ERICH1: variants seen among roughly 807,000 people sequenced by gnomAD.
The protein encoded by ERICH1 is glutamate-rich protein 1.
A neutral mutation model predicts 39.6 loss-of-function variants in ERICH1; 56 were observed. The observed-to-expected ratio is 1.41, with a 90% CI of 1.14 to 1.77. ERICH1 has a LOEUF of 1.77. ERICH1 is among the 40% of genes most tolerant of loss of function. ERICH1 has a pLI of 0.00. For missense variants in ERICH1, 826 were observed against 575.4 expected, an observed-to-expected ratio of 1.44 and a Z score of -4.45; for synonymous variants, 313 against 223.6, an observed-to-expected ratio of 1.40 and a Z score of -3.57.
At chr8:705,975 A>G (rs776126357) in intron 2 of ERICH1, among the ~76,000 whole-genome samples, 3 of 152,184 alleles carry the variant, frequency 2.0e-5, no homozygotes, top group Non-Finnish European at 2.9e-5. Context: ...CCTGAAGATG[A>G]TAACGCTGTA....
At chr8:697,235 C>G (rs1377185324) in intron 2 of ERICH1, among the ~76,000 whole-genome samples, 2 of 152,220 alleles carry the variant, frequency 1.3e-5, no homozygotes, top group Non-Finnish European at 2.9e-5. Context: ...TCCATCCTGA[C>G]AGCTGCAAAT....
chr8:727,901 C>G (rs972928669), intron 1 of ERICH1, among the ~76,000 whole-genome samples: 117 of 152,220 alleles, frequency 7.7e-4, no homozygotes, highest in Non-Finnish European at 5.9e-5. Flanking sequence ...GGGGCAGGGA[C>G]TCTGCTTAAA....
intron 1 of ERICH1, among the ~76,000 whole-genome samples, chr8:719,786 T>C (rs955658835): frequency 2.0e-5 from 3 of 152,312 alleles, no homozygotes; most frequent in Admixed American, 6.5e-5. Context: ...CTTTAAGGAC[T>C]CGTAGATGTT....
chr8:643,128 C>A (rs1034364560), intron 3 of ERICH1, among the ~76,000 whole-genome samples: 7 of 152,060 alleles, frequency 4.6e-5, no homozygotes, highest in African/African-American at 1.7e-4. Context: ...CCCTGCCTGG[C>A]GCAGCCTGGA....
intron 2 of ERICH1, among the ~76,000 whole-genome samples, chr8:705,914 C>A (rs7827558): frequency 4.5e-4 from 69 of 152,234 alleles, no homozygotes; most frequent in African/African-American, 1.7e-3. Context: ...TTTCACCGTA[C>A]GTTTTTAATG....
At chr8:668,884 C>G in intron 4 of ERICH1, 92 bp from the exon 5 acceptor site, 1 of 1,141,974 alleles carries the variant, frequency 8.8e-7, no homozygotes, top group Non-Finnish European at 1.2e-6. Context: ...AGGTCTCAAA[C>G]CTACGCTTCC....
Position 673,601 on chromosome 8 carries a change from C to T in ERICH1, c.751G>A (p.Ala251Thr), listed in dbSNP as rs748184998. 3 of 1,550,482 alleles carry T rather than the reference C, an allele frequency of 1.9e-6. No individual in the cohort carries two copies. The Admixed American group carries it at 5.2e-5, about 27-fold the overall frequency. The change falls in exon 4 of 6, where the codon GCG becomes ACG. Residue 251 changes from alanine to threonine, a missense_variant. Ala to Thr is a moderately conservative substitution (Grantham distance 58, BLOSUM62 0). Transcript: ENST00000262109. ...DLTRARQEEG[A>T]DASEEDPTPA... Reference sequence around the variant, plus strand: ...GTCGGATCTTCCTCACTGGCGTCCGCACCCTCTTCCTGCCTGGCCCGTGTC... The same window carrying T: ...GTCGGATCTTCCTCACTGGCGTCCGTACCCTCTTCCTGCCTGGCCCGTGTC...
At chr8:689,687 A>G (rs1585332592) in intron 3 of ERICH1, among the ~76,000 whole-genome samples, 1 of 152,202 alleles carries the variant, frequency 6.6e-6, no homozygotes, top group Admixed American at 6.5e-5. Flanking sequence ...GCACCGTGGC[A>G]TAGGGACACA....
intron 2 of ERICH1, among the ~76,000 whole-genome samples, chr8:708,252 G>C (rs1420524707): frequency 6.6e-6 from 1 of 152,154 alleles, no homozygotes; most frequent in African/African-American, 2.4e-5. Flanking sequence ...GTTAAACATG[G>C]AGTTACCATT....
intron 2 of ERICH1, among the ~76,000 whole-genome samples, chr8:711,601 A>G (rs1181266567): frequency 6.6e-6 from 1 of 151,686 alleles, no homozygotes; most frequent in Non-Finnish European, 1.5e-5. Flanking sequence ...GGGTTCAAGC[A>G]ATTCTTCTGC....
chr8:644,400 A>AGCTAAGAGCGGG (rs1799367164), intron 3 of ERICH1, among the ~76,000 whole-genome samples: 1 of 71,968 alleles, frequency 1.4e-5, no homozygotes, highest in African/African-American at 3.5e-5. Flanking sequence ...AAGTCAAGGA[A>AGCTAAGAGCGGG]GATTCTTTAG....
intron 3 of ERICH1, among the ~76,000 whole-genome samples, chr8:690,084 C>T (rs66701156): frequency 0.045 from 6,855 of 152,302 alleles, 204 homozygotes; most frequent in Middle Eastern, 0.071. Context: ...CGCAACCCCA[C>T]GTCAACAAGA....
chr8:639,036 G>A (rs966824649), intron 3 of ERICH1, among the ~76,000 whole-genome samples: 13 of 152,134 alleles, frequency 8.5e-5, no homozygotes, highest in African/African-American at 2.7e-4. Flanking sequence ...AACGGAAGCC[G>A]TCTCTCAAGC....
intron 1 of ERICH1, among the ~76,000 whole-genome samples, chr8:717,431 G>A (rs1255198168): frequency 1.3e-5 from 2 of 152,206 alleles, no homozygotes; most frequent in Non-Finnish European, 2.9e-5. Flanking sequence ...GGTGGTCTGT[G>A]AAATGCTTTT....
chr8:680,394 C>G (rs1053775588), intron 3 of ERICH1, among the ~76,000 whole-genome samples: 3 of 151,670 alleles, frequency 2.0e-5, no homozygotes, highest in Non-Finnish European at 4.4e-5. Context: ...CCCCTGAAAA[C>G]ACAGAAAGTC....
At chr8:625,553 G>A (rs1025184045) in intron 3 of ERICH1, 2 of 152,246 alleles carry the variant, frequency 1.3e-5, no homozygotes, top group African/African-American at 2.4e-5. Context: ...TCATCGTAGT[G>A]AGGATTGTAC....
chr8:631,296 T>G (rs1798023452), intron 3 of ERICH1, among the ~76,000 whole-genome samples: 1 of 152,046 alleles, frequency 6.6e-6, no homozygotes, highest in African/African-American at 2.4e-5. Flanking sequence ...CCTCTGTGAG[T>G]GTGAAAGTGT....
At chr8:635,765 G>T (rs938976570) in intron 3 of ERICH1, among the ~76,000 whole-genome samples, 5 of 151,874 alleles carry the variant, frequency 3.3e-5, no homozygotes, top group Admixed American at 1.3e-4. Flanking sequence ...CTCCCCCAGC[G>T]TGTGTGTGTG....
At chr8:638,673 G>A (rs1225724953) in intron 3 of ERICH1, among the ~76,000 whole-genome samples, 1 of 152,160 alleles carries the variant, frequency 6.6e-6, no homozygotes, top group African/African-American at 2.4e-5. Flanking sequence ...TTGCTGTTGT[G>A]TCTCCTGCCT....
Sources: gnomAD v4.1 joint callset for allele counts (sites outside exome capture counted in the v4.1 genomes callset) on GRCh38, gnomAD v4.1.1 for gene constraint, MANE v1.5 for transcripts, NCBI Gene and HGNC (gene_info 2026-07-23, HGNC 2026-07-21) for gene names.